GPC3: variants seen among roughly 807,000 people sequenced by gnomAD.
The protein encoded by GPC3 is glypican-3.
In GPC3, 3 loss-of-function variants were observed where a neutral mutation model predicts 34.4. The ratio of observed to expected loss-of-function variants is 0.09; its 90% CI spans 0.04 to 0.23. The LOEUF is 0.23. Among genes scored for constraint, GPC3 ranks in the 10% least tolerant of loss-of-function variants. GPC3 has a pLI of 1.00. For missense variants in GPC3, 351 were observed against 445.6 expected, an observed-to-expected ratio of 0.79 and a Z score of 1.91; for synonymous variants, 177 against 174.0, an observed-to-expected ratio of 1.02 and a Z score of -0.13.
In GPC3 at chrX:133,870,303, A is replaced by G. The variant is rs1450721700; in HGVS notation, c.337+82747T>C. On this transcript the variant is annotated intron_variant, in intron 2 of 7. Coordinates refer to ENST00000370818, the MANE Select transcript of GPC3 (RefSeq NM_004484.4). ...TGTGTCTTTATTCTCAAGCTGACAA[A>G]TACCAAATCATGTACTTTCTCTGCT... 8.0e-5 allele frequency among the ~76,000 whole-genome samples: 9 copies of G among 112,215 alleles called. No individual in the cohort carries two copies. In the South Asian group the frequency reaches 1.9e-3, roughly 23 times the overall value.
chrX:133,713,164 A>T (rs1329538768), intron 3 of GPC3, among the ~76,000 whole-genome samples: 1 of 112,199 alleles, frequency 8.9e-6, no homozygotes, highest in Admixed American at 9.5e-5. Flanking sequence ...ATTAAAGAAG[A>T]TCTATTATGT....
intron 3 of GPC3, among the ~76,000 whole-genome samples, chrX:133,737,043 G>T (rs1226128745): frequency 3.6e-5 from 4 of 112,019 alleles, no homozygotes; most frequent in Non-Finnish European, 7.5e-5. Context: ...AAAAAGAGAT[G>T]AACTATCTAG....
intron 2 of GPC3, among the ~76,000 whole-genome samples, chrX:133,796,070 C>A (rs949716492): frequency 6.4e-4 from 69 of 107,689 alleles, no homozygotes; most frequent in Non-Finnish European, 1.2e-3. Context: ...CTCAGCCTGC[C>A]GAGTAGCTGG....
At chrX:133,562,523 C>T (rs1388064419) in intron 7 of GPC3, among the ~76,000 whole-genome samples, 2 of 110,487 alleles carry the variant, frequency 1.8e-5, no homozygotes, top group Admixed American at 1.9e-4. Flanking sequence ...CCCAGCTACT[C>T]GGGTGGCTGA....
intron 7 of GPC3, among the ~76,000 whole-genome samples, chrX:133,560,086 T>C (rs985949498): frequency 8.9e-6 from 1 of 112,106 alleles, no homozygotes; most frequent in Non-Finnish European, 1.9e-5. Context: ...TTGCCGTCAG[T>C]GTCCTGTCAC....
chrX:133,848,940 G>T (rs2075858912), intron 2 of GPC3, among the ~76,000 whole-genome samples: 1 of 110,710 alleles, frequency 9.0e-6, no homozygotes, highest in African/African-American at 3.3e-5. Context: ...ATAAAATGGG[G>T]GAAACATTTA....
At chrX:133,613,738 G>GA in intron 6 of GPC3, among the ~76,000 whole-genome samples, 1 of 111,693 alleles carries the variant, frequency 9.0e-6, no homozygotes, top group Admixed American at 9.5e-5. Flanking sequence ...ATACACAGGG[G>GA]AAAAAAGCAG....
intron 7 of GPC3, among the ~76,000 whole-genome samples, chrX:133,544,100 G>A (rs992920483): frequency 6.3e-5 from 7 of 111,586 alleles, no homozygotes; most frequent in South Asian, 7.6e-4. Flanking sequence ...GCATGGTGGC[G>A]TGTGCTTGTA....
chrX:133,799,599 T>C (rs1254330648), intron 2 of GPC3, among the ~76,000 whole-genome samples: 1 of 111,556 alleles, frequency 9.0e-6, no homozygotes, highest in African/African-American at 3.3e-5. Flanking sequence ...TTATTCTCTG[T>C]GCCTGAAATT....
chrX:133,719,742 G>A (rs1485225111), intron 3 of GPC3, among the ~76,000 whole-genome samples: 1 of 112,573 alleles, frequency 8.9e-6, no homozygotes, highest in Admixed American at 9.4e-5. Context: ...AAAAGCTTCT[G>A]TATAGCAAAA....
intron 1 of GPC3, 49 bp downstream of exon 1, chrX:133,985,226 G>T: frequency 8.5e-7 from 1 of 1,182,873 alleles, no homozygotes; most frequent in East Asian, 3.0e-5. Flanking sequence ...CACCACGCGC[G>T]CCTTGCTCCC....
At chrX:133,774,649 A>T (rs2071958285) in intron 2 of GPC3, among the ~76,000 whole-genome samples, 1 of 111,622 alleles carries the variant, frequency 9.0e-6, no homozygotes, top group Middle Eastern at 4.6e-3. Flanking sequence ...TGTGTCAGGC[A>T]CCATACTGAA....
chrX:133,574,123 A>G, intron 7 of GPC3, among the ~76,000 whole-genome samples: 1 of 111,855 alleles, frequency 8.9e-6, no homozygotes, highest in East Asian at 2.8e-4. Flanking sequence ...GCAAACCCAA[A>G]GAGACAGAAA....
At chrX:133,734,507 T>G (rs948894031) in intron 3 of GPC3, among the ~76,000 whole-genome samples, 2 of 109,063 alleles carry the variant, frequency 1.8e-5, no homozygotes, top group Admixed American at 9.9e-5. Context: ...TGTTGCTAGT[T>G]CTATTTGACA....
intron 6 of GPC3, among the ~76,000 whole-genome samples, chrX:133,648,257 T>C (rs2070563203): frequency 1.5e-5 from 1 of 66,615 alleles, no homozygotes; most frequent in African/African-American, 5.6e-5. Context: ...TAAAATACTA[T>C]GAGGTTTTTT....
At chrX:133,560,768 A>G (rs186027956) in intron 7 of GPC3, among the ~76,000 whole-genome samples, 134 of 110,693 alleles carry the variant, frequency 1.2e-3, no homozygotes, top group Non-Finnish European at 2.2e-3. Flanking sequence ...ATTTCTTCAT[A>G]TATTGAAACA....
At chrX:133,881,437 G>A (rs951455963) in intron 2 of GPC3, among the ~76,000 whole-genome samples, 10 of 112,347 alleles carry the variant, frequency 8.9e-5, no homozygotes, top group African/African-American at 1.6e-4. Context: ...TACATGTGGC[G>A]TTTTATGTTC....
At chrX:133,763,549 G>T (rs1039607726) in intron 2 of GPC3, 2 of 558,659 alleles carry the variant, frequency 3.6e-6, no homozygotes, top group Admixed American at 4.5e-5. Flanking sequence ...GTCTGAAGGC[G>T]TGCAGGTGCC....
intron 3 of GPC3, among the ~76,000 whole-genome samples, chrX:133,726,765 AAAC>A (rs2071412215): frequency 8.9e-6 from 1 of 111,827 alleles, no homozygotes; most frequent in South Asian, 3.8e-4. Context: ...AACAAACAAA[AAAC>A]AAACCGAGTG....
Sources: gnomAD v4.1 joint callset for allele counts (sites outside exome capture counted in the v4.1 genomes callset) on GRCh38, gnomAD v4.1.1 for gene constraint, MANE v1.5 for transcripts, NCBI Gene and HGNC (gene_info 2026-07-23, HGNC 2026-07-21) for gene names.